UBTD2: variants seen among roughly 807,000 people sequenced by gnomAD.
UBTD2 encodes ubiquitin domain-containing protein 2.
Under a neutral mutation model 19.8 loss-of-function variants are expected in UBTD2, and 9 were observed. That is an observed-to-expected ratio of 0.46 (90% CI 0.27 to 0.79). UBTD2 has a LOEUF of 0.79. Ranked by LOEUF, UBTD2 falls within the 30% of genes least tolerant of loss-of-function variation. UBTD2 has a pLI of 0.14. For synonymous variants in UBTD2, 98 were observed against 103.9 expected (o/e 0.94, Z 0.35); for missense variants, 250 against 300.4 (o/e 0.83, Z 1.24).
At chr5:172,244,435 T>C (rs1754818950) in intron 1 of UBTD2, among the ~76,000 whole-genome samples, 1 of 151,866 alleles carries the variant, frequency 6.6e-6, no homozygotes, top group Non-Finnish European at 1.5e-5. Context: ...TAGCTGGGAT[T>C]ACAGGCATGC....
rs1771458597 is a variant in UBTD2, at chr5:172,212,015, C to T, written c.520G>A (p.Val174Ile). ...LKLVVRSTDT[V>I]FHMKRRLHAA... The stretch of plus-strand genomic sequence containing the variant: ...TGCAACCGTCTCTTCATGTGGAATA[C>T]TGTGTCTGTGCTGCGAACCACAAGC... The change falls in exon 3 of 3, where the codon GTA becomes ATA. Residue 174 changes from valine (V) to isoleucine (I), a missense_variant. Coordinates refer to ENST00000393792, the MANE Select transcript of UBTD2 (RefSeq NM_152277.3). The T allele has an allele frequency of 6.2e-7, 1 of 1,614,230 alleles. No individual in the cohort carries two copies. The highest frequency in any genetic ancestry group is 1.6e-4 in the Middle Eastern group (1 of 6,062).
At chr5:172,255,336 C>G in intron 1 of UBTD2, 2 of 458,118 alleles carry the variant, frequency 4.4e-6, no homozygotes, top group South Asian at 3.7e-5. Context: ...TGACCCCATA[C>G]TTGTTGGGCT....
intron 1 of UBTD2, chr5:172,254,879 C>A (rs1561861422): frequency 2.0e-6 from 1 of 503,006 alleles, no homozygotes; most frequent in Non-Finnish European, 3.7e-6. Flanking sequence ...CATGCTACTA[C>A]TGGAATTTTT....
chr5:172,259,114 G>A (rs1449227675), intron 1 of UBTD2, among the ~76,000 whole-genome samples: 2 of 152,030 alleles, frequency 1.3e-5, no homozygotes, highest in Admixed American at 1.3e-4. Context: ...TTTGAGGTAT[G>A]TTCCTTTAAT....
intron 1 of UBTD2, among the ~76,000 whole-genome samples, chr5:172,248,647 A>G (rs538962501): frequency 6.6e-6 from 1 of 151,840 alleles, no homozygotes; most frequent in South Asian, 2.1e-4. Flanking sequence ...CTGTAATCCC[A>G]GACACTCAGA....
At chr5:172,276,970 G>A (rs1350288581) in intron 1 of UBTD2, among the ~76,000 whole-genome samples, 1 of 150,250 alleles carries the variant, frequency 6.7e-6, no homozygotes, top group Non-Finnish European at 1.5e-5. Context: ...TCGGGAGGCT[G>A]AGGCAGGAGA....
intron 1 of UBTD2, among the ~76,000 whole-genome samples, chr5:172,259,362 TGAAC>T (rs1755221499): frequency 6.6e-6 from 1 of 151,894 alleles, no homozygotes; most frequent in South Asian, 2.1e-4. Flanking sequence ...AGGCTGGTCT[TGAAC>T]TCCTGACCTC....
intron 1 of UBTD2, among the ~76,000 whole-genome samples, chr5:172,281,357 G>A (rs944507236): frequency 6.6e-6 from 1 of 152,192 alleles, no homozygotes; most frequent in Non-Finnish European, 1.5e-5. Flanking sequence ...AATTAGCCGG[G>A]TGCGGTGGCA....
At chr5:172,265,069 C>A (rs1230709955) in intron 1 of UBTD2, among the ~76,000 whole-genome samples, 1 of 152,206 alleles carries the variant, frequency 6.6e-6, no homozygotes, top group Non-Finnish European at 1.5e-5. Flanking sequence ...GCTATACATG[C>A]AATTAATACT....
rs993990337 is a variant in UBTD2, at chr5:172,209,655, C to G, written c.*2175G>C. 3.8e-5 allele frequency: 5 copies of G among 131,184 alleles called. No homozygotes were observed. Among genetic ancestry groups the G allele is most frequent in the African/African-American group, 1.4e-4 (5 of 34,742 alleles). The allele number at this position is 131,184 out of a possible 1,614,324, so 8.1% of individuals were successfully genotyped here. ...GGCAAAGACAAAGAGAAAAATTGAA[C>G]CTTTTTTTTTTTTTTAAAAAAAGCA... is the stretch of plus-strand genomic sequence containing the variant. On this transcript the variant is annotated 3_prime_UTR_variant, in exon 3 of 3. Coordinates refer to ENST00000393792, the MANE Select transcript of UBTD2 (RefSeq NM_152277.3).
Position 172,212,184 on chromosome 5 carries a change from C to T in UBTD2, c.351G>A (p.Gln117=), listed in dbSNP as rs756748088. 1.2e-6 allele frequency: 2 copies of T among 1,613,196 alleles called. No individual in the cohort carries two copies. The highest frequency in any genetic ancestry group is 1.7e-6 in the Non-Finnish European group (2 of 1,179,172). ...ECYDELGNRY[Q]LPVYCLAPPI... is the part of the protein sequence containing the mutation. ...GCGGTGCCAAGCAATACACTGGAAG[C>T]TGATATCTGTTCCCCAGTTCATCGT... is the stretch of plus-strand genomic sequence containing the variant. The change falls in exon 3 of 3, where the codon CAG becomes CAA. Residue 117 remains glutamine (Q), a synonymous_variant. Transcript: ENST00000393792.
intron 1 of UBTD2, among the ~76,000 whole-genome samples, chr5:172,235,820 G>T (rs528119925): frequency 6.6e-6 from 1 of 151,640 alleles, no homozygotes; most frequent in Non-Finnish European, 1.5e-5. Context: ...ATAGAAGATA[G>T]AAAGAAAATT....
intron 1 of UBTD2, among the ~76,000 whole-genome samples, chr5:172,282,799 A>G (rs967225236): frequency 6.6e-6 from 1 of 152,234 alleles, no homozygotes; most frequent in East Asian, 1.9e-4. Context: ...CGCTTTTACT[A>G]TAAAGTAGGA....
intron 1 of UBTD2, among the ~76,000 whole-genome samples, chr5:172,258,632 T>C (rs1033558348): frequency 2.0e-5 from 3 of 152,232 alleles, no homozygotes; most frequent in African/African-American, 7.2e-5. Context: ...CTGATTTCCT[T>C]CAGCAGTGTT....
intron 2 of UBTD2, among the ~76,000 whole-genome samples, chr5:172,219,817 T>C (rs2113876806): frequency 6.6e-6 from 1 of 152,322 alleles, no homozygotes; most frequent in Non-Finnish European, 1.5e-5. Context: ...ATTAGTTCAG[T>C]TGAAAAAGGC....
chr5:172,271,272 T>TA (rs1209215204), intron 1 of UBTD2, among the ~76,000 whole-genome samples: 2 of 151,634 alleles, frequency 1.3e-5, no homozygotes, highest in Non-Finnish European at 2.9e-5. Context: ...CTACTAAAAA[T>TA]AAAAAAATTA....
At chr5:172,227,809 T>G (rs190497395) in intron 2 of UBTD2, among the ~76,000 whole-genome samples, 1 of 146,150 alleles carries the variant, frequency 6.8e-6, no homozygotes, top group East Asian at 2.1e-4. Flanking sequence ...GCCTCCCGAG[T>G]AGCTGGGATT....
At chr5:172,227,611 C>T (rs1215197053) in intron 2 of UBTD2, among the ~76,000 whole-genome samples, 1 of 151,786 alleles carries the variant, frequency 6.6e-6, no homozygotes, top group African/African-American at 2.4e-5. Flanking sequence ...TCTCGATCTC[C>T]TGACCTCATG....
rs143202672 is a variant in UBTD2 at position 172,280,337 on chromosome 5, G to A, written c.70+3259C>T. Among the ~76,000 whole-genome samples the A allele has an allele frequency of 8.8e-3, 1,330 of 151,872 alleles. 30 individuals are homozygous for A. Among genetic ancestry groups the A allele is most frequent in the African/African-American group, 0.03 (1,237 of 41,424 alleles). ...AGCCAGGCCAACCTGGTGAAACCCC[G>A]TCTCTACTAAAAATACCAACAAATT... On this transcript the variant is annotated intron_variant, in intron 1 of 2. Coordinates refer to ENST00000393792, the MANE Select transcript of UBTD2 (RefSeq NM_152277.3).
Sources: allele counts gnomAD v4.1 joint callset (sites outside exome capture counted in the v4.1 genomes callset), GRCh38; gene constraint gnomAD v4.1.1; transcripts MANE v1.5; gene names NCBI Gene and HGNC (gene_info 2026-07-23, HGNC 2026-07-21).